Variants in KIF25 observed in about 807,000 individuals in gnomAD.
The protein encoded by KIF25 is kinesin family member 25, also known as kinesin-like protein KIF25.
KIF25 carries 19 observed loss-of-function variants against 32.9 expected under a neutral mutation model. The ratio of observed to expected loss-of-function variants is 0.58; its 90% CI spans 0.40 to 0.85. The LOEUF (loss-of-function observed/expected upper bound fraction) is 0.85, where lower values mean the gene tolerates loss of function less well. Among genes scored for constraint, KIF25 ranks in the 40% least tolerant of loss-of-function variants. The probability of loss-of-function intolerance (pLI) is 0.00; values close to 1 mark genes in which losing one functional copy is unlikely to be tolerated. For synonymous variants in KIF25, 225 were observed against 213.7 expected (o/e 1.05, Z -0.46); for missense variants, 485 against 507.0 (o/e 0.96, Z 0.42).
intron 4 of KIF25, among the ~76,000 whole-genome samples, chr6:168,005,773 T>C (rs1234267470): frequency 6.6e-6 from 1 of 152,216 alleles, no homozygotes; most frequent in African/African-American, 2.4e-5. Context: ...TGCTTTATAT[T>C]TGCTGGCGGC....
chr6:168,026,687 A>G (rs552892889), intron 5 of KIF25, among the ~76,000 whole-genome samples: 6 of 152,324 alleles, frequency 3.9e-5, no homozygotes, highest in Admixed American at 1.3e-4. Context: ...GTCCAGGGTA[A>G]GAAGAAGGTT....
chr6:168,008,372 A>G (rs1447260239), intron 4 of KIF25, among the ~76,000 whole-genome samples: 6 of 152,186 alleles, frequency 3.9e-5, no homozygotes, highest in African/African-American at 1.4e-4. Flanking sequence ...TTGTTAAAAA[A>G]TCAGTTGACT....
intron 6 of KIF25, 52 bp downstream of exon 6, chr6:168,029,729 G>A (rs761367722): frequency 2.6e-6 from 4 of 1,564,896 alleles, no homozygotes; most frequent in Non-Finnish European, 3.5e-6. Context: ...GCCGGGTGAT[G>A]TGCACATGGG....
chr6:168,021,573 A>G (rs930083144), intron 5 of KIF25, among the ~76,000 whole-genome samples: 1 of 152,260 alleles, frequency 6.6e-6, no homozygotes, highest in Non-Finnish European at 1.5e-5. Context: ...ATTTTTAAGT[A>G]TACAGTTCAA....
Position 168,012,558 on chromosome 6 carries a change from G to A in KIF25, c.-162-5415G>A, listed in dbSNP as rs562308688. Reference sequence around the variant, plus strand: ...ATGCACACGGTAGGTCACCCAACATGGGGTCTGGCTCATTGGAGTTGGAGC... The same window carrying A: ...ATGCACACGGTAGGTCACCCAACATAGGGTCTGGCTCATTGGAGTTGGAGC... On this transcript the variant is annotated intron_variant, in intron 4 of 12. Coordinates refer to ENST00000643607, the MANE Select transcript of KIF25 (RefSeq NM_030615.4). 2.0e-5 allele frequency among the ~76,000 whole-genome samples: 3 copies of A among 152,316 alleles called. No homozygotes were observed. In the East Asian group the frequency reaches 5.8e-4, roughly 29 times the overall value.
chr6:168,034,182 C>A (rs368955047), intron 8 of KIF25, 151 bp downstream of exon 8: 46 of 735,934 alleles, frequency 6.3e-5, no homozygotes, highest in East Asian at 3.5e-4. Context: ...CTATGAAGTG[C>A]TTTCATACTT....
chr6:168,028,442 T>G (rs1798895109), intron 5 of KIF25, among the ~76,000 whole-genome samples: 1 of 152,220 alleles, frequency 6.6e-6, no homozygotes, highest in South Asian at 2.1e-4. Context: ...GTATCTGTCT[T>G]CCTTCGGCCT....
chr6:168,015,888 T>C (rs553085374), intron 4 of KIF25, among the ~76,000 whole-genome samples: 1 of 152,348 alleles, frequency 6.6e-6, no homozygotes, highest in Admixed American at 6.5e-5. Flanking sequence ...TCTTGTATGG[T>C]GTCCCTTGAG....
chr6:168,038,803 G>A, intron 9 of KIF25, 74 bp downstream of exon 9: 3 of 1,490,716 alleles, frequency 2.0e-6, no homozygotes, highest in Non-Finnish European at 2.8e-6. Context: ...CTGGTCAGGA[G>A]GCTGCACGTC....
At position 168,042,650 on chromosome 6, in the gene KIF25, T is replaced by G. The variant is rs113290085; in HGVS notation, c.919T>G (p.Leu307Val). ...AALAGVLGAL[L>V]EHRGHAPYRN... ...CCTGGCAGGCGTCCTGGGGGCTTTG[T>G]TGGAGCACCGTGGCCATGCCCCGTA... is the stretch of plus-strand genomic sequence containing the variant. Residue 307 changes from leucine (L) to valine (V), a missense_variant, in exon 12 of 13, where the codon TTG becomes GTG. Leu to Val is a conservative substitution (Grantham distance 32). Coordinates refer to ENST00000643607, the MANE Select transcript of KIF25 (RefSeq NM_030615.4). The G allele has an allele frequency of 1.1e-4, 171 of 1,613,834 alleles. No individual in the cohort carries two copies. The East Asian group carries it at 3.1e-3, about 29-fold the overall frequency.
At chr6:168,019,724 T>A (rs1255233221) in intron 5 of KIF25, among the ~76,000 whole-genome samples, 1 of 152,012 alleles carries the variant, frequency 6.6e-6, no homozygotes, top group South Asian at 2.1e-4. Context: ...AAAAAGGAAG[T>A]GAACAGAGCA....
chr6:168,022,181 A>T (rs1233300897), intron 5 of KIF25, among the ~76,000 whole-genome samples: 1 of 152,134 alleles, frequency 6.6e-6, no homozygotes, highest in Non-Finnish European at 1.5e-5. Context: ...CTGTGTCTCT[A>T]CCATTACCCG....
At chr6:168,007,343 A>G (rs1414925756) in intron 4 of KIF25, among the ~76,000 whole-genome samples, 1 of 152,166 alleles carries the variant, frequency 6.6e-6, no homozygotes, top group African/African-American at 2.4e-5. Context: ...TCCGGGAGGC[A>G]GAGGCTGCAG....
Position 168,038,717 on chromosome 6 carries a change from T to TGCTG in KIF25, c.485_488dup (p.Ser164GlyfsTer3), listed in dbSNP as rs1799069248. 1 of 1,613,398 alleles carries TGCTG rather than the reference T, an allele frequency of 6.2e-7. No homozygotes were observed. The highest frequency in any genetic ancestry group is 1.1e-5 in the South Asian group (1 of 91,050). The stretch of plus-strand genomic sequence containing the variant: ...AAGGATGGACGGACAGAGGTTGCGC[T>TGCTG]GCTGGCCTCTGAGTGAGTACTGCAC... On this transcript the variant is annotated frameshift_variant, in exon 9 of 13. Coordinates refer to ENST00000643607, the MANE Select transcript of KIF25 (RefSeq NM_030615.4). LOFTEE classifies it high-confidence loss of function.
intron 4 of KIF25, among the ~76,000 whole-genome samples, chr6:168,005,600 G>A (rs1485572340): frequency 1.3e-5 from 2 of 152,206 alleles, no homozygotes; most frequent in African/African-American, 4.8e-5. Context: ...ACGATCACAA[G>A]GTCCCACAAC....
At chr6:168,027,663 C>T (rs550372703) in intron 5 of KIF25, among the ~76,000 whole-genome samples, 3 of 152,206 alleles carry the variant, frequency 2.0e-5, no homozygotes, top group South Asian at 2.1e-4. Context: ...GCACCGGGAC[C>T]GCCCCTCCTC....
intron 8 of KIF25, among the ~76,000 whole-genome samples, chr6:168,035,421 G>C (rs1799003082): frequency 1.4e-5 from 2 of 144,642 alleles, no homozygotes; most frequent in South Asian, 4.6e-4. Context: ...AGGGATGCCG[G>C]GGCTGGAACG....
chr6:168,034,091 A>G, intron 8 of KIF25, 60 bp downstream of exon 8: 1 of 1,581,886 alleles, frequency 6.3e-7, no homozygotes, highest in South Asian at 1.1e-5. Context: ...GGCGGTCAGC[A>G]CCTTGGTTAT....
chr6:168,002,439 T>C (rs68175994), intron 2 of KIF25, 104 bp from the exon 3 acceptor site: 50,376 of 152,256 alleles, frequency 0.33, 8,795 homozygotes, highest in East Asian at 0.52. Context: ...CTGGGCTGTT[T>C]GGCTTCTCAG....
Sources: gnomAD v4.1 joint callset for allele counts (sites outside exome capture counted in the v4.1 genomes callset) on GRCh38, gnomAD v4.1.1 for gene constraint, MANE v1.5 for transcripts, NCBI Gene and HGNC (gene_info 2026-07-23, HGNC 2026-07-21) for gene names.